FBXL13: variants seen among roughly 807,000 people sequenced by gnomAD.
FBXL13 encodes the protein F-box and leucine-rich repeat protein 13.
Under a neutral mutation model 83.6 loss-of-function variants are expected in FBXL13, and 67 were observed. That is an observed-to-expected ratio of 0.80 (90% CI 0.66 to 0.98). The LOEUF is 0.98. Ranked by LOEUF, FBXL13 falls within the 50% of genes least tolerant of loss-of-function variation. The probability of loss-of-function intolerance (pLI) is 0.00; values close to 1 mark genes in which losing one functional copy is unlikely to be tolerated. For synonymous variants in FBXL13, 272 were observed against 299.5 expected, an observed-to-expected ratio of 0.91 and a Z score of 0.95; for missense variants, 822 against 866.5, an observed-to-expected ratio of 0.95 and a Z score of 0.64.
At chr7:102,974,635 A>G (rs1278100576) in intron 6 of FBXL13, among the ~76,000 whole-genome samples, 1 of 151,924 alleles carries the variant, frequency 6.6e-6, no homozygotes, top group Non-Finnish European at 1.5e-5. Context: ...CGACCTCTGT[A>G]ATTCTTGCTC....
intron 16 of FBXL13, among the ~76,000 whole-genome samples, chr7:102,867,695 A>ATATATATATTTTT (rs1239781180): frequency 2.0e-5 from 1 of 49,078 alleles, no homozygotes; most frequent in Non-Finnish European, 3.2e-5. Context: ...ATATATATAT[A>ATATATATATTTTT]TTTTTTTTTT....
chr7:102,918,970 G>A (rs539120000), intron 10 of FBXL13, among the ~76,000 whole-genome samples: 2 of 152,256 alleles, frequency 1.3e-5, no homozygotes, highest in South Asian at 4.1e-4. Flanking sequence ...GAACTGAGTG[G>A]TATTCAATAT....
At chr7:102,833,143 T>C (rs1263740262) in intron 17 of FBXL13, among the ~76,000 whole-genome samples, 169 bp from the exon 19 acceptor site, 1 of 152,244 alleles carries the variant, frequency 6.6e-6, no homozygotes, top group African/African-American at 2.4e-5. Context: ...CATCTGTTTA[T>C]AGCAAAAGAT....
chr7:102,944,069 AG>A, intron 8 of FBXL13: 2 of 661,234 alleles, frequency 3.0e-6, no homozygotes, highest in South Asian at 5.4e-5. Flanking sequence ...AAAAGCTCTG[AG>A]AAAAAGAAAG....
chr7:102,964,735 G>A (rs1248731407), intron 7 of FBXL13, among the ~76,000 whole-genome samples: 3 of 152,082 alleles, frequency 2.0e-5, no homozygotes, highest in Non-Finnish European at 4.4e-5. Flanking sequence ...TCCAACCTTT[G>A]CCTTAACAAT....
rs376586965 is a variant in FBXL13 at position 103,055,271 on chromosome 7, G to A, written c.-1+373C>T. 5 of 640,736 alleles carry A rather than the reference G, an allele frequency of 7.8e-6. No homozygotes were observed. In the African/African-American group the frequency reaches 7.9e-5, roughly 10 times the overall value. The allele number at this position is 640,736 out of a possible 1,614,324, so 39.7% of individuals were successfully genotyped here. ...GTGATTCTTGTAGGTGGAATGAAAG[G>A]GAGGAGAAGGAAAACACATTTCCCC... On this transcript the variant is annotated intron_variant, in intron 2 of 19. Coordinates refer to ENST00000313221, the Ensembl canonical transcript of FBXL13.
chr7:103,042,850 C>T lies in FBXL13; in HGVS notation c.-1+12794G>A, dbSNP rs547516589. 3.3e-5 allele frequency among the ~76,000 whole-genome samples: 5 copies of T among 152,244 alleles called. No individual in the cohort carries two copies. The South Asian group carries it at 8.3e-4, about 25-fold the overall frequency. Reference sequence around the variant, plus strand: ...TGCATTAAAGACTTAAATGTAAGACCTAACACCATAAAAACCCTAGAAGAA... The same window carrying T: ...TGCATTAAAGACTTAAATGTAAGACTTAACACCATAAAAACCCTAGAAGAA... On this transcript the variant is annotated intron_variant, in intron 2 of 19. Coordinates refer to ENST00000313221, the Ensembl canonical transcript of FBXL13.
At position 102,834,102 on chromosome 7, in the gene FBXL13, G is replaced by GGA. The variant is rs1554404981; in HGVS notation, c.1720-1129_1720-1128insTC. Among the ~76,000 whole-genome samples the GGA allele has an allele frequency of 7.5e-3, 761 of 101,890 alleles. 8 individuals carry two copies. Among genetic ancestry groups the GGA allele is most frequent in the Non-Finnish European group, 9.5e-3 (494 of 52,046 alleles). 66.8% of individuals were successfully genotyped at this position (101,890 alleles called of 152,430 possible). A position where few individuals can be genotyped will look rare whatever the true frequency, so the allele number is the denominator to read the frequency against. On this transcript the variant is annotated intron_variant, in intron 17 of 19. Transcript: ENST00000313221. Reference sequence around the variant, plus strand: ...GAAGGAAAGAAAAGAAAGAAAGAAAGAAAGAAAGAAAGAAAGAAAGAAAGA... The same window carrying GGA: ...GAAGGAAAGAAAAGAAAGAAAGAAAGGAAAAGAAAGAAAGAAAGAAAGAAAGA...
intron 17 of FBXL13, among the ~76,000 whole-genome samples, chr7:102,835,044 A>G (rs1801630249): frequency 1.3e-5 from 2 of 152,204 alleles, no homozygotes; most frequent in Non-Finnish European, 2.9e-5. Context: ...ATAATAATAA[A>G]GATGCACAAA....
intron 17 of FBXL13, among the ~76,000 whole-genome samples, chr7:102,837,549 A>G (rs1802214599): frequency 6.6e-6 from 1 of 152,142 alleles, no homozygotes; most frequent in Non-Finnish European, 1.5e-5. Flanking sequence ...TGCGCTTTCA[A>G]ATTCTTATAA....
chr7:103,058,344 T>C (rs1797533730), intron 1 of FBXL13, among the ~76,000 whole-genome samples: 1 of 152,206 alleles, frequency 6.6e-6, no homozygotes. Flanking sequence ...CAAGAGACTA[T>C]AGTTGCACAG....
At chr7:102,897,445 C>G (rs2129463196) in intron 11 of FBXL13, among the ~76,000 whole-genome samples, 1 of 152,050 alleles carries the variant, frequency 6.6e-6, no homozygotes, top group African/African-American at 2.4e-5. Context: ...TTTAAGGAAA[C>G]ATAAATTAGA....
At chr7:103,014,496 G>A (rs1039803859) in intron 6 of FBXL13, among the ~76,000 whole-genome samples, 1 of 152,170 alleles carries the variant, frequency 6.6e-6, no homozygotes, top group Non-Finnish European at 1.5e-5. Context: ...AATTGAGGAG[G>A]AGGAATGCCT....
chr7:102,870,122 GTTC>G (rs1313376744), intron 16 of FBXL13, among the ~76,000 whole-genome samples: 7 of 152,256 alleles, frequency 4.6e-5, no homozygotes, highest in South Asian at 2.1e-4. Context: ...TTCAATTAGA[GTTC>G]TTCTTTTTGC....
intron 17 of FBXL13, among the ~76,000 whole-genome samples, chr7:102,838,760 C>T (rs1802425083): frequency 6.6e-6 from 1 of 152,128 alleles, no homozygotes. Flanking sequence ...AAAGTCATCG[C>T]CATTCTGCAG....
chr7:102,912,659 T>G (rs1814911542), intron 11 of FBXL13, among the ~76,000 whole-genome samples: 1 of 144,254 alleles, frequency 6.9e-6, no homozygotes, highest in South Asian at 2.3e-4. Context: ...TATTTATCAC[T>G]TATAGCATTT....
intron 6 of FBXL13, among the ~76,000 whole-genome samples, chr7:102,976,647 C>T (rs1036905504): frequency 2.6e-5 from 4 of 152,070 alleles, no homozygotes; most frequent in African/African-American, 7.2e-5. Flanking sequence ...ACCACACTCC[C>T]GTCCGTCCAC....
chr7:102,980,250 C>T (rs1006708686), intron 6 of FBXL13, among the ~76,000 whole-genome samples: 1 of 152,100 alleles, frequency 6.6e-6, no homozygotes, highest in Non-Finnish European at 1.5e-5. Flanking sequence ...TATCAAGGTA[C>T]AGGATAGACA....
At position 102,963,584 on chromosome 7, in the gene FBXL13, G is replaced by A. The variant is rs760937969; in HGVS notation, c.673C>T (p.Arg225Cys). The A allele has an allele frequency of 1.7e-5, 28 of 1,612,416 alleles. No individual in the cohort carries two copies. Among genetic ancestry groups the A allele is most frequent in the Middle Eastern group, 3.3e-4 (2 of 6,082 alleles). Residue 225 changes from arginine to cysteine, a missense_variant, in exon 8 of 20, where the codon CGT becomes TGT. Arg to Cys is a radical substitution (Grantham distance 180). Coordinates refer to ENST00000313221, the Ensembl canonical transcript of FBXL13. ...AGAAGACAACCACGAAAATTCAAAC[G>A]CAGCACATTTAAACGCCACCTTTGC...
Sources: allele counts gnomAD v4.1 joint callset (sites outside exome capture counted in the v4.1 genomes callset), GRCh38; gene constraint gnomAD v4.1.1; transcripts MANE v1.5; gene names NCBI Gene and HGNC (gene_info 2026-07-23, HGNC 2026-07-21).